FRYL: variants seen among roughly 807,000 people sequenced by gnomAD.
FRYL encodes the protein protein furry homolog-like.
A neutral mutation model predicts 351.2 loss-of-function variants in FRYL; 150 were observed. The observed-to-expected ratio is 0.43, with a 90% CI of 0.37 to 0.49. The LOEUF is 0.49. Among genes scored for constraint, FRYL ranks in the 20% least tolerant of loss-of-function variants. The pLI is 0.00. For synonymous variants in FRYL, 1,153 were observed against 1,257.1 expected, an observed-to-expected ratio of 0.92 and a Z score of 1.75; for missense variants, 3,036 against 3,619.3, an observed-to-expected ratio of 0.84 and a Z score of 4.13.
chr4:48,766,117 T>C (rs1774914801), intron 1 of FRYL, among the ~76,000 whole-genome samples: 1 of 152,186 alleles, frequency 6.6e-6, no homozygotes, highest in South Asian at 2.1e-4. Flanking sequence ...GATCCAGCAA[T>C]TTCACTATTG....
At chr4:48,779,873 T>C (rs943132937) in intron 1 of FRYL, among the ~76,000 whole-genome samples, 7 of 151,008 alleles carry the variant, frequency 4.6e-5, no homozygotes, top group African/African-American at 1.7e-4. Context: ...TGGTGTCCGT[T>C]ACGAGCGCCG....
intron 50 of FRYL, among the ~76,000 whole-genome samples, chr4:48,529,652 A>T (rs1332325008): frequency 6.6e-6 from 1 of 152,190 alleles, no homozygotes; most frequent in Admixed American, 6.5e-5. Context: ...TATCTATATA[A>T]TTCTAATCAA....
At chr4:48,653,189 T>C (rs1758093651) in intron 3 of FRYL, among the ~76,000 whole-genome samples, 1 of 152,184 alleles carries the variant, frequency 6.6e-6, no homozygotes, top group Non-Finnish European at 1.5e-5. Flanking sequence ...AAGTATATCA[T>C]CCTGAATGTT....
Position 48,528,119 on chromosome 4 carries a change from T to A in FRYL, c.7065+56A>T, listed in dbSNP as rs868224100. 3.2e-6 allele frequency: 5 copies of A among 1,575,408 alleles called. No homozygotes were observed. The South Asian group carries it at 5.8e-5, about 18-fold the overall frequency. ...ACAAATTCTCAAGTTTTCATACCTA[T>A]AACAAAACTGATTCTTCTGTTCTAT... is the stretch of plus-strand genomic sequence containing the variant. On this transcript the variant is annotated intron_variant, in intron 51 of 63. Transcript: ENST00000358350.
In FRYL at chr4:48,540,881, T is replaced by C. The variant is rs1427768801; in HGVS notation, c.5767A>G (p.Ser1923Gly). The C allele has an allele frequency of 6.2e-7, 1 of 1,613,738 alleles. No individual in the cohort carries two copies. The highest frequency in any genetic ancestry group is 1.3e-5 in the African/African-American group (1 of 74,902). The change falls in exon 46 of 64, where the codon AGT becomes GGT. Residue 1923 changes from serine to glycine, a missense_variant. By Grantham distance (56) the Ser-to-Gly change is moderately conservative. Transcript: ENST00000358350. ...AAATAACTGCTACTATTAATGGGAC[T>C]TGTGCTTAGATTGAGTTGTCCAGTG... The part of the protein sequence containing the change: ...KSTGQLNLST[S>G]PINSSSYLGY...
At chr4:48,665,892 T>C (rs1761638811) in intron 3 of FRYL, among the ~76,000 whole-genome samples, 1 of 152,248 alleles carries the variant, frequency 6.6e-6, no homozygotes, top group South Asian at 2.1e-4. Flanking sequence ...TTGTCAGTAG[T>C]AAACTACATT....
chr4:48,645,231 C>G (rs972037564), intron 3 of FRYL, among the ~76,000 whole-genome samples: 1 of 149,460 alleles, frequency 6.7e-6, no homozygotes, highest in African/African-American at 2.4e-5. Context: ...ACACTTAACA[C>G]AGCGCTGATA....
intron 13 of FRYL, among the ~76,000 whole-genome samples, chr4:48,597,028 T>G (rs1383400206): frequency 6.6e-6 from 1 of 152,160 alleles, no homozygotes; most frequent in Non-Finnish European, 1.5e-5. Context: ...TATCAATCCC[T>G]GTCTCCACTG....
intron 63 of FRYL, 136 bp from the exon 64 acceptor site, chr4:48,499,816 CTCAAAGTACCACCTGAATTCACTT>C (rs1338387478): frequency 3.1e-5 from 27 of 882,668 alleles, no homozygotes; most frequent in South Asian, 8.7e-5. Context: ...GCAAATATTA[CTCAAAGTACCACCTGAATTCACTT>C]TCAAAGTACC....
chr4:48,631,502 G>C (rs1187833339), intron 4 of FRYL, among the ~76,000 whole-genome samples: 1 of 151,742 alleles, frequency 6.6e-6, no homozygotes, highest in African/African-American at 2.4e-5. Flanking sequence ...TACTTCTTAA[G>C]GCTACATTCA....
intron 3 of FRYL, among the ~76,000 whole-genome samples, chr4:48,648,822 G>T (rs904747039): frequency 6.6e-6 from 1 of 152,126 alleles, no homozygotes; most frequent in African/African-American, 2.4e-5. Flanking sequence ...AGACAAATCC[G>T]TAGTGACAGA....
Position 48,765,900 on chromosome 4 carries a change from T to C in FRYL, c.-384+14178A>G, listed in dbSNP as rs563528155. On this transcript the variant is annotated intron_variant, in intron 1 of 63. Transcript: ENST00000358350. ...AATAGGTATATAAAAAGGTGTTCAA[T>C]ATCACTAAACATCAGGGAAATGCAA... Among the ~76,000 whole-genome samples, 6 of 152,242 alleles carry C rather than the reference T, an allele frequency of 3.9e-5. No individual in the cohort carries two copies. The East Asian group carries it at 1.2e-3, about 29-fold the overall frequency.
chr4:48,623,212 A>C, intron 4 of FRYL, 33 bp from the exon 5 acceptor site: 1 of 1,153,704 alleles, frequency 8.7e-7, no homozygotes, highest in Non-Finnish European at 1.2e-6. Context: ...TTAAAAATAA[A>C]AATAAAGCAC....
At chr4:48,667,366 A>C (rs901970416) in intron 3 of FRYL, among the ~76,000 whole-genome samples, 3 of 152,094 alleles carry the variant, frequency 2.0e-5, no homozygotes, top group African/African-American at 7.2e-5. Flanking sequence ...AACAATTGTT[A>C]TCTCTAAAAA....
At chr4:48,573,282 C>T (rs1306220518) in intron 25 of FRYL, 39 bp from the exon 26 acceptor site, 1 of 1,290,946 alleles carries the variant, frequency 7.7e-7, no homozygotes, top group Non-Finnish European at 1.1e-6. Flanking sequence ...AATAGCTACA[C>T]AGATATAATC....
intron 1 of FRYL, among the ~76,000 whole-genome samples, chr4:48,715,300 G>A (rs1237954540): frequency 6.6e-6 from 1 of 151,934 alleles, no homozygotes; most frequent in East Asian, 1.9e-4. Context: ...AGGAAATAAA[G>A]GGTATTCAAT....
intron 47 of FRYL, among the ~76,000 whole-genome samples, chr4:48,537,885 C>T (rs1177528067): frequency 2.0e-5 from 3 of 152,150 alleles, no homozygotes; most frequent in African/African-American, 4.8e-5. Context: ...ACTTCTACTT[C>T]CCTTTTTAGG....
rs773676492 is a variant in FRYL at position 48,540,003 on chromosome 4, A to G, written c.6361T>C (p.Phe2121Leu). ...ATTCGACTAGCTGTTTCTTTGCAAA[A>G]CTGAGTTGGGCTGTCAAAATGCTGG... ...LIQHFDSPTQFCKETASRIAK... is the reference protein window; with the variant it reads ...LIQHFDSPTQLCKETASRIAK... The change falls in exon 47 of 64, where the codon TTT becomes CTT. Residue 2121 changes from phenylalanine to leucine, a missense_variant. This residue lies in a region of FRYL where 1,987 missense variants were observed against 2,311.7 expected (regional missense o/e 0.86). Transcript: ENST00000358350. 5.0e-6 allele frequency: 8 copies of G among 1,613,112 alleles called. No homozygotes were observed. In the Admixed American group the frequency reaches 6.7e-5, roughly 13 times the overall value.
At chr4:48,535,921 T>G (rs1208712089) in intron 47 of FRYL, 94 bp from the exon 48 acceptor site, 1 of 1,017,350 alleles carries the variant, frequency 9.8e-7, no homozygotes, top group South Asian at 2.7e-5. Context: ...TGAAATAATT[T>G]AGATGTATAT....
Sources: allele counts gnomAD v4.1 joint callset (sites outside exome capture counted in the v4.1 genomes callset), GRCh38; gene constraint gnomAD v4.1.1; regional missense constraint gnomAD v4.1.1; transcripts MANE v1.5; gene names NCBI Gene and HGNC (gene_info 2026-07-23, HGNC 2026-07-21).